TRRAP: variants seen among roughly 807,000 people sequenced by gnomAD.
The protein encoded by TRRAP is transformation/transcription domain-associated protein.
A neutral mutation model predicts 438.8 loss-of-function variants in TRRAP; 41 were observed. That is an observed-to-expected ratio of 0.09 (90% confidence interval 0.07 to 0.12). TRRAP has a LOEUF of 0.12. TRRAP is among the 10% of genes least tolerant of loss of function. TRRAP has a pLI of 1.00. For synonymous variants in TRRAP, 1,994 were observed against 1,962.9 expected, an observed-to-expected ratio of 1.02 and a Z score of -0.42; for missense variants, 3,122 against 5,055.1, an observed-to-expected ratio of 0.62 and a Z score of 11.60.
chr7:98,967,545 G>A lies in TRRAP; in HGVS notation c.7359G>A (p.Gly2453=), dbSNP rs558852442. 1.9e-6 allele frequency: 3 copies of A among 1,614,060 alleles called. No homozygotes were observed. Among genetic ancestry groups the A allele is most frequent in the South Asian group, 2.2e-5 (2 of 91,076 alleles). Residue 2453 remains glycine, a synonymous_variant, in exon 51 of 73, where the codon GGG becomes GGA. Transcript: ENST00000456197. ...AACTTGAGCCTGCCTTTCTCTCTGGGCTGCGCTGTGCCCAGCCACTCATCA... is the reference window on the plus strand; with the variant it reads ...AACTTGAGCCTGCCTTTCTCTCTGGACTGCGCTGTGCCCAGCCACTCATCA... The part of the protein sequence containing the change: ...TAKLEPAFLS[G]LRCAQPLIRA...
chr7:98,955,441 G>T (rs1791555110), intron 41 of TRRAP, 137 bp downstream of exon 41: 1 of 852,206 alleles, frequency 1.2e-6, no homozygotes, highest in Non-Finnish European at 1.8e-6. Context: ...TGATTAGTTT[G>T]TGTATGTGTG....
rs1562965279 is a variant in TRRAP at position 98,970,140 on chromosome 7, C to T, written c.7541C>T (p.Thr2514Ile). The T allele has an allele frequency of 1.9e-6, 3 of 1,613,842 alleles. No individual in the cohort carries two copies. The highest frequency in any genetic ancestry group is 2.5e-6 in the Non-Finnish European group (3 of 1,179,994). The change falls in exon 52 of 73, where the codon ACC becomes ATC. Residue 2514 changes from threonine to isoleucine, a missense_variant. Coordinates refer to ENST00000456197, the MANE Select transcript of TRRAP (RefSeq NM_001375524.1). ...ELLLAVCEKS[T>I]PIGTSCQGAM... is the part of the protein sequence containing the mutation. ...CTTCTGGCCGTGTGTGAGAAGAGCACCCCCATTGGCACCAGCTGCCAAGGA... is the reference window on the plus strand; with the variant it reads ...CTTCTGGCCGTGTGTGAGAAGAGCATCCCCATTGGCACCAGCTGCCAAGGA...
chr7:98,933,892 T>TA (rs1428338288), intron 27 of TRRAP, among the ~76,000 whole-genome samples: 1 of 152,186 alleles, frequency 6.6e-6, no homozygotes, highest in African/African-American at 2.4e-5. Flanking sequence ...AACTGAGGCT[T>TA]AGAGTTTGCT....
chr7:98,937,079 A>T, intron 28 of TRRAP, 77 bp from the exon 29 acceptor site: 1 of 1,474,702 alleles, frequency 6.8e-7, no homozygotes, highest in Non-Finnish European at 9.0e-7. Flanking sequence ...TAATAATAAT[A>T]AATAAATACA....
In TRRAP at chr7:98,971,946, G is replaced by A. The variant is rs1792436019; in HGVS notation, c.7839+1G>A. 1 of 1,613,948 alleles carries A rather than the reference G, an allele frequency of 6.2e-7. No homozygotes were observed. The highest frequency in any genetic ancestry group is 1.7e-5 in the Admixed American group (1 of 59,974). On this transcript the variant is annotated splice_donor_variant, in intron 53 of 72. Transcript: ENST00000456197. LOFTEE classifies it high-confidence loss of function. ...TCTGGACACTCTCCGAGAGGTGAAGGTCTGTACGCAGCTTGGAAAGGATTC... is the reference window on the plus strand; with the variant it reads ...TCTGGACACTCTCCGAGAGGTGAAGATCTGTACGCAGCTTGGAAAGGATTC...
chr7:98,931,503 C>A lies in TRRAP; in HGVS notation c.3690C>A (p.Ile1230=). 2 of 1,614,104 alleles carry A rather than the reference C, an allele frequency of 1.2e-6. No individual in the cohort carries two copies. The highest frequency in any genetic ancestry group is 1.7e-6 in the Non-Finnish European group (2 of 1,179,986). Residue 1230 remains isoleucine (I), a synonymous_variant, in exon 26 of 73, where the codon ATC becomes ATA. Transcript: ENST00000456197. ...PLKDEERAEE[I]VAAQEKSFHH... is the part of the protein sequence containing the mutation. ...AAGACGAGGAGAGAGCCGAAGAGAT[C>A]GTGGCCGCCCAGGAAAAGTCTTTCC...
intron 13 of TRRAP, among the ~76,000 whole-genome samples, chr7:98,907,684 C>T (rs1258266477): frequency 6.6e-6 from 1 of 152,206 alleles, no homozygotes; most frequent in African/African-American, 2.4e-5. Flanking sequence ...TTGGCTCTGT[C>T]CACCTGTTCT....
At chr7:98,898,501 G>A (rs576898766) in intron 8 of TRRAP, among the ~76,000 whole-genome samples, 1 of 152,248 alleles carries the variant, frequency 6.6e-6, no homozygotes, top group Non-Finnish European at 1.5e-5. Flanking sequence ...GTTGTGCAGA[G>A]TGTTTCAGTT....
At chr7:98,912,783 T>A (rs1789334037) in intron 18 of TRRAP, among the ~76,000 whole-genome samples, 1 of 152,102 alleles carries the variant, frequency 6.6e-6, no homozygotes, top group Non-Finnish European at 1.5e-5. Flanking sequence ...CAAGCAGTGG[T>A]CTCACTCCTG....
At chr7:98,893,513 T>A (rs895252429) in intron 5 of TRRAP, among the ~76,000 whole-genome samples, 1 of 152,214 alleles carries the variant, frequency 6.6e-6, no homozygotes, top group African/African-American at 2.4e-5. Flanking sequence ...TGTCCAACAA[T>A]GGAAAGTGTC....
intron 3 of TRRAP, among the ~76,000 whole-genome samples, chr7:98,883,649 G>A (rs782633113): frequency 2.0e-5 from 3 of 152,138 alleles, no homozygotes; most frequent in Non-Finnish European, 2.9e-5. Context: ...AAGTAGCTGG[G>A]ACTACAGGCA....
chr7:98,884,976 A>T (rs1795628221), intron 3 of TRRAP, among the ~76,000 whole-genome samples: 1 of 152,094 alleles, frequency 6.6e-6, no homozygotes, highest in Non-Finnish European at 1.5e-5. Context: ...CACATTTGTT[A>T]CTTATTTTTT....
intron 4 of TRRAP, among the ~76,000 whole-genome samples, chr7:98,891,136 GAC>G (rs1795948856): frequency 6.8e-6 from 1 of 146,588 alleles, no homozygotes; most frequent in Admixed American, 6.9e-5. Context: ...TTGTTTTATC[GAC>G]ACGCCCCCAA....
intron 58 of TRRAP, among the ~76,000 whole-genome samples, chr7:98,979,413 C>G (rs1002507115): frequency 1.3e-5 from 2 of 152,174 alleles, no homozygotes; most frequent in African/African-American, 4.8e-5. Context: ...GTAATTGCTA[C>G]TTACACAGTT....
intron 31 of TRRAP, among the ~76,000 whole-genome samples, chr7:98,943,924 T>G (rs1365298008): frequency 6.6e-6 from 1 of 152,216 alleles, no homozygotes; most frequent in African/African-American, 2.4e-5. Context: ...TTTTCTGGCT[T>G]TATTATGCTT....
chr7:98,985,809 G>A (rs906311153), intron 62 of TRRAP, among the ~76,000 whole-genome samples: 3 of 152,194 alleles, frequency 2.0e-5, no homozygotes, highest in Non-Finnish European at 2.9e-5. Context: ...TCATGTGACA[G>A]ACACAACCAT....
chr7:98,999,952 TAAC>T (rs1400658323), intron 67 of TRRAP: 2 of 238,148 alleles, frequency 8.4e-6, no homozygotes, highest in African/African-American at 4.6e-5. Context: ...GAATTGTTAA[TAAC>T]AATCAGAAAA....
At chr7:98,996,373 C>A (rs1793663155) in intron 67 of TRRAP, among the ~76,000 whole-genome samples, 2 of 152,242 alleles carry the variant, frequency 1.3e-5, no homozygotes, top group African/African-American at 4.8e-5. Context: ...GGCGGGCTCT[C>A]TTGCCAGGTT....
chr7:98,945,074 G>A (rs369365342), intron 31 of TRRAP, among the ~76,000 whole-genome samples: 2 of 152,280 alleles, frequency 1.3e-5, no homozygotes, highest in South Asian at 4.1e-4. Context: ...CAAAGTGCTG[G>A]GATTACAGGC....
Sources: allele counts gnomAD v4.1 joint callset (sites outside exome capture counted in the v4.1 genomes callset), GRCh38; gene constraint gnomAD v4.1.1; transcripts MANE v1.5; gene names NCBI Gene and HGNC (gene_info 2026-07-23, HGNC 2026-07-21).